Variants in RBFOX1 observed in about 807,000 individuals in gnomAD.
The protein encoded by RBFOX1 is RNA binding protein fox-1 homolog 1.
Under a neutral mutation model 57.7 loss-of-function variants are expected in RBFOX1, and 8 were observed. The observed-to-expected ratio is 0.14, with a 90% CI of 0.08 to 0.25. The LOEUF is 0.25. Among genes scored for constraint, RBFOX1 ranks in the 10% least tolerant of loss-of-function variants. The pLI, the probability that RBFOX1 is intolerant of heterozygous loss-of-function variation, is 1.00. For missense variants in RBFOX1, 611 were observed against 548.5 expected (o/e 1.11, Z -1.14); for synonymous variants, 326 against 222.4 (o/e 1.47, Z -4.15).
intron 2 of RBFOX1, among the ~76,000 whole-genome samples, chr16:5,527,140 A>T (rs2044279586): frequency 6.6e-6 from 1 of 152,160 alleles, no homozygotes; most frequent in Non-Finnish European, 1.5e-5. Context: ...CTGGTGGAAA[A>T]TGAAGGCTTG....
intron 4 of RBFOX1, among the ~76,000 whole-genome samples, chr16:7,211,371 G>C (rs1603239900): frequency 7.8e-6 from 1 of 128,968 alleles, no homozygotes; most frequent in South Asian, 2.6e-4. Flanking sequence ...CAGCCTGGGC[G>C]ACAGAGTGAG....
intron 1 of RBFOX1, among the ~76,000 whole-genome samples, chr16:5,272,334 A>G (rs2063032621): frequency 6.6e-6 from 1 of 152,242 alleles, no homozygotes; most frequent in South Asian, 2.1e-4. Context: ...GTGTACAATT[A>G]TGATTTGTCA....
At chr16:5,646,629 G>A (rs376518921) in intron 3 of RBFOX1, among the ~76,000 whole-genome samples, 55 of 152,048 alleles carry the variant, frequency 3.6e-4, no homozygotes, top group African/African-American at 1.2e-3. Flanking sequence ...GGTAAGGGAA[G>A]ACCCTCTTAT....
chr16:5,358,436 G>T (rs774491397), intron 1 of RBFOX1, among the ~76,000 whole-genome samples: 28 of 152,054 alleles, frequency 1.8e-4, no homozygotes, highest in Non-Finnish European at 3.1e-4. Context: ...AATGTTGTGG[G>T]TACATAGAGG....
intron 3 of RBFOX1, among the ~76,000 whole-genome samples, chr16:6,986,194 T>TTATTTATTTATG (rs1183828040): frequency 3.4e-5 from 5 of 148,312 alleles, no homozygotes; most frequent in African/African-American, 2.5e-5. Context: ...TTTTATTTAT[T>TTATTTATTTATG]TATTTATTTA....
intron 11 of RBFOX1, among the ~76,000 whole-genome samples, chr16:7,647,709 A>T (rs1406116091): frequency 1.3e-5 from 2 of 152,180 alleles, no homozygotes; most frequent in Non-Finnish European, 2.9e-5. Context: ...TTTATTTCAT[A>T]TTCTAGAAAT....
At chr16:6,412,218 C>G (rs546791946) in intron 2 of RBFOX1, among the ~76,000 whole-genome samples, 1 of 151,208 alleles carries the variant, frequency 6.6e-6, no homozygotes, top group East Asian at 1.9e-4. Flanking sequence ...CCATATTATA[C>G]GAGTTAGAAA....
At chr16:7,570,857 T>C (rs995909295) in intron 5 of RBFOX1, among the ~76,000 whole-genome samples, 11 of 152,064 alleles carry the variant, frequency 7.2e-5, no homozygotes, top group African/African-American at 2.2e-4. Context: ...CAATGATAGA[T>C]TAAAGAAAAT....
At chr16:6,856,894 C>A (rs915178183) in intron 3 of RBFOX1, among the ~76,000 whole-genome samples, 1 of 150,778 alleles carries the variant, frequency 6.6e-6, no homozygotes, top group Admixed American at 6.6e-5. Context: ...ATGTTAGAGA[C>A]AGAGAAAGGG....
intron 2 of RBFOX1, among the ~76,000 whole-genome samples, chr16:6,331,771 T>TAA (rs5815300): frequency 1.5e-3 from 229 of 149,302 alleles, no homozygotes; most frequent in African/African-American, 3.6e-3. Context: ...CACCTTTTTT[T>TAA]AAAAAAAAAA....
At chr16:6,415,971 T>C (rs575766041) in intron 2 of RBFOX1, among the ~76,000 whole-genome samples, 1 of 152,332 alleles carries the variant, frequency 6.6e-6, no homozygotes, top group South Asian at 2.1e-4. Flanking sequence ...CTTGTCACAA[T>C]ATCCCATTGT....
At chr16:7,123,920 A>C (rs1334095210) in intron 4 of RBFOX1, among the ~76,000 whole-genome samples, 2 of 152,272 alleles carry the variant, frequency 1.3e-5, no homozygotes, top group East Asian at 3.9e-4. Flanking sequence ...GAAAGGAGAG[A>C]GGGAAAGTGG....
chr16:5,268,067 A>C (rs1253451695), intron 1 of RBFOX1, among the ~76,000 whole-genome samples: 1 of 151,754 alleles, frequency 6.6e-6, no homozygotes, highest in Non-Finnish European at 1.5e-5. Context: ...AGACAGAGCG[A>C]GATTCCATGT....
chr16:5,327,039 C>T lies in RBFOX1; in HGVS notation c.219+86934C>T, dbSNP rs570470053. Among the ~76,000 whole-genome samples, 25 of 152,268 alleles carry T rather than the reference C, an allele frequency of 1.6e-4. 1 individual carries two copies. The South Asian group carries it at 4.4e-3, about 27-fold the overall frequency. On this transcript the variant is annotated intron_variant, in intron 1 of 2. Transcript: ENST00000585867. Reference sequence around the variant, plus strand: ...TGATCATTAGATTTTGTTAGAAAGCCAGAAAATGCTATGGGAAAAGTAAAG... The same window carrying T: ...TGATCATTAGATTTTGTTAGAAAGCTAGAAAATGCTATGGGAAAAGTAAAG...
intron 4 of RBFOX1, among the ~76,000 whole-genome samples, chr16:7,502,531 A>G (rs1015269851): frequency 1.5e-4 from 23 of 152,198 alleles, no homozygotes; most frequent in Admixed American, 1.5e-3. Context: ...AAGGGGCTGA[A>G]GAAGAAATAG....
chr16:5,578,825 C>CCACACACA (rs139917677), intron 2 of RBFOX1, among the ~76,000 whole-genome samples: 1 of 129,022 alleles, frequency 7.8e-6, no homozygotes, highest in African/African-American at 3.0e-5. Flanking sequence ...CATGAAACCT[C>CCACACACA]CACACACACA....
chr16:7,101,003 GA>G (rs1432828081), intron 4 of RBFOX1, among the ~76,000 whole-genome samples: 1 of 152,066 alleles, frequency 6.6e-6, no homozygotes, highest in African/African-American at 2.4e-5. Context: ...GAGATATAGT[GA>G]AAAAATGTTG....
rs537874566 is a variant in RBFOX1, at chr16:5,664,411, G to A, written c.318+65450G>A. 1.8e-4 allele frequency among the ~76,000 whole-genome samples: 27 copies of A among 152,260 alleles called. No homozygotes were observed. The South Asian group carries it at 5.4e-3, about 30-fold the overall frequency. ...AAAAATACAAAAATTAGCTGGGCACGGTGGTGTGTGCCTGTAGAGCCAGCT... is the reference window on the plus strand; with the variant it reads ...AAAAATACAAAAATTAGCTGGGCACAGTGGTGTGTGCCTGTAGAGCCAGCT... On this transcript the variant is annotated intron_variant, in intron 3 of 19. Coordinates refer to the RBFOX1 transcript ENST00000641259.
At chr16:6,370,577 C>G (rs750571064) in intron 2 of RBFOX1, among the ~76,000 whole-genome samples, 2 of 151,942 alleles carry the variant, frequency 1.3e-5, no homozygotes, top group African/African-American at 2.4e-5. Flanking sequence ...GTGAAAGAAA[C>G]CAGTCGCAAA....
Sources: allele counts gnomAD v4.1 joint callset (sites outside exome capture counted in the v4.1 genomes callset), GRCh38; gene constraint gnomAD v4.1.1; transcripts MANE v1.5; gene names NCBI Gene and HGNC (gene_info 2026-07-23, HGNC 2026-07-21).